The following HHAT variants were observed in gnomAD, a reference collection of about 807,000 sequenced individuals.
HHAT encodes the protein hedgehog acyltransferase.
In HHAT, 47 loss-of-function variants were observed where a neutral mutation model predicts 70.8. That is an observed-to-expected ratio of 0.66 (90% CI 0.53 to 0.85). The LOEUF is 0.85. HHAT is among the 40% of genes least tolerant of loss of function. The pLI, the probability that HHAT is intolerant of heterozygous loss-of-function variation, is 0.00. For missense variants in HHAT, 609 were observed against 604.8 expected (o/e 1.01, Z -0.07); for synonymous variants, 228 against 247.6 (o/e 0.92, Z 0.74).
rs149897975 is a variant in HHAT, at chr1:210,457,616, C to G, written c.857-6889C>G. ...GGTCAAACATGCAAAGATGGCAGCT[C>G]TGCAGCCAGCCCACAGAGCTAAGGG... On this transcript the variant is annotated intron_variant, in intron 7 of 11. Transcript: ENST00000261458. Among the ~76,000 whole-genome samples the G allele has an allele frequency of 4.6e-3, 705 of 152,290 alleles. 11 individuals are homozygous for G. Among genetic ancestry groups the G allele is most frequent in the African/African-American group, 0.016 (685 of 41,550 alleles).
intron 7 of HHAT, among the ~76,000 whole-genome samples, chr1:210,437,948 C>T (rs763312480): frequency 2.6e-5 from 4 of 151,750 alleles, no homozygotes; most frequent in Admixed American, 6.6e-5. Flanking sequence ...GTTTGCTGTC[C>T]TTTGGGGCCA....
intron 9 of HHAT, among the ~76,000 whole-genome samples, chr1:210,564,078 T>A (rs1432806189): frequency 6.6e-6 from 1 of 151,610 alleles, no homozygotes; most frequent in African/African-American, 2.4e-5. Context: ...CTCAGCCTCC[T>A]GAGTAGCTGG....
intron 1 of HHAT, among the ~76,000 whole-genome samples, chr1:210,334,181 T>TTTTTTTTTTTTTTTTTTTTTTTTC (rs1471251995): frequency 7.6e-6 from 1 of 130,966 alleles, no homozygotes; most frequent in Admixed American, 8.1e-5. Context: ...GCGTGTCATT[T>TTTTTTTTTTTTTTTTTTTTTTTTC]TTTTTTTTTT....
At chr1:210,441,849 CACACTT>C (rs759764296) in intron 7 of HHAT, among the ~76,000 whole-genome samples, 1 of 150,890 alleles carries the variant, frequency 6.6e-6, no homozygotes, top group East Asian at 1.9e-4. Context: ...TACACACACA[CACACTT>C]TTTTTTTATT....
At chr1:210,511,498 C>T (rs912720226) in intron 8 of HHAT, among the ~76,000 whole-genome samples, 1 of 151,994 alleles carries the variant, frequency 6.6e-6, no homozygotes, top group Admixed American at 6.6e-5. Flanking sequence ...TGTCAGGTGG[C>T]GAGGTACCAG....
intron 11 of HHAT, among the ~76,000 whole-genome samples, chr1:210,628,757 C>T (rs1192069031): frequency 6.6e-6 from 1 of 152,228 alleles, no homozygotes; most frequent in Non-Finnish European, 1.5e-5. Context: ...TGTCTCCTAA[C>T]TCAAATGGTT....
intron 5 of HHAT, among the ~76,000 whole-genome samples, chr1:210,404,144 C>T (rs1046951070): frequency 1.3e-5 from 2 of 152,092 alleles, no homozygotes; most frequent in African/African-American, 2.4e-5. Flanking sequence ...CACCTTATGC[C>T]CTGGATGTAT....
intron 7 of HHAT, among the ~76,000 whole-genome samples, chr1:210,453,722 ATT>A (rs1465994688): frequency 6.6e-6 from 1 of 152,116 alleles, no homozygotes; most frequent in Non-Finnish European, 1.5e-5. Flanking sequence ...GGGGGTAATT[ATT>A]TGCTTTCTAA....
intron 2 of HHAT, among the ~76,000 whole-genome samples, chr1:210,356,337 T>G (rs890529860): frequency 6.6e-6 from 1 of 152,200 alleles, no homozygotes; most frequent in African/African-American, 2.4e-5. Context: ...GACATTTTTA[T>G]AAATGAAATT....
intron 3 of HHAT, among the ~76,000 whole-genome samples, chr1:210,377,353 T>C (rs2090308574): frequency 6.6e-6 from 1 of 152,216 alleles, no homozygotes; most frequent in South Asian, 2.1e-4. Flanking sequence ...TAGAAAATAG[T>C]GTTTTTCCAA....
chr1:210,465,849 TATTGCAAGGA>T (rs989101452), intron 8 of HHAT, among the ~76,000 whole-genome samples: 2 of 152,212 alleles, frequency 1.3e-5, no homozygotes, highest in Non-Finnish European at 1.5e-5. Flanking sequence ...TTCATATGGT[TATTGCAAGGA>T]ATTGCAAGGA....
intron 9 of HHAT, among the ~76,000 whole-genome samples, chr1:210,586,401 C>G (rs1660456475): frequency 6.6e-6 from 1 of 152,150 alleles, no homozygotes; most frequent in Admixed American, 6.5e-5. Flanking sequence ...GACTGCACCA[C>G]TCTACTCCTG....
chr1:210,649,227 C>T (rs897489949), intron 11 of HHAT, among the ~76,000 whole-genome samples: 2 of 152,188 alleles, frequency 1.3e-5, no homozygotes, highest in Non-Finnish European at 2.9e-5. Flanking sequence ...CATTCTGGCT[C>T]CCCTCTGACC....
intron 1 of HHAT, among the ~76,000 whole-genome samples, chr1:210,340,266 AAAG>A (rs1477675141): frequency 2.8e-5 from 4 of 142,458 alleles, no homozygotes; most frequent in African/African-American, 1.1e-4. Context: ...AAAAAAAAAA[AAAG>A]ACTCAAGTGG....
At chr1:210,621,147 A>C (rs1668738881) in intron 10 of HHAT, among the ~76,000 whole-genome samples, 2 of 152,022 alleles carry the variant, frequency 1.3e-5, no homozygotes, top group African/African-American at 4.8e-5. Context: ...AGGCAAAGAG[A>C]GTCTTCCTCT....
intron 1 of HHAT, among the ~76,000 whole-genome samples, chr1:210,342,552 C>T (rs1484713508): frequency 2.6e-5 from 4 of 152,172 alleles, no homozygotes; most frequent in South Asian, 4.1e-4. Flanking sequence ...ATAGATTGGC[C>T]GTTTTCTATA....
chr1:210,618,662 G>A (rs1051518931), intron 10 of HHAT, among the ~76,000 whole-genome samples: 12 of 152,106 alleles, frequency 7.9e-5, no homozygotes, highest in Admixed American at 6.5e-5. Context: ...GGGCTGGCAA[G>A]CCCACAGCCT....
chr1:210,467,000 T>C (rs1436026513), intron 8 of HHAT, among the ~76,000 whole-genome samples: 1 of 152,218 alleles, frequency 6.6e-6, no homozygotes, highest in Non-Finnish European at 1.5e-5. Context: ...CTTGGAATGA[T>C]GTCGTTCTAA....
Position 210,601,937 on chromosome 1 carries a change from C to CAGAGAGAGAGAGAGAGAGAGAGAGAGAG in HHAT, c.1245+13858_1245+13859insAGAGAGAGAGAGAGAGAGAGAGAGAGAG, listed in dbSNP as rs147826172. ...TGGAGCCATGAGAATATTTGAGACTCAGAGAGAGAGAGAGAGAGAGTATGT... is the reference window on the plus strand; with the variant it reads ...TGGAGCCATGAGAATATTTGAGACTCAGAGAGAGAGAGAGAGAGAGAGAGAGAGAGAGAGAGAGAGAGAGAGAGTATGT... On this transcript the variant is annotated intron_variant, in intron 10 of 11. Transcript: ENST00000261458. Among the ~76,000 whole-genome samples, 1,425 of 147,140 alleles carry CAGAGAGAGAGAGAGAGAGAGAGAGAGAG rather than the reference C, an allele frequency of 9.7e-3. 24 individuals carry two copies. Among genetic ancestry groups the CAGAGAGAGAGAGAGAGAGAGAGAGAGAG allele is most frequent in the Middle Eastern group, 0.024 (7 of 288 alleles).
Sources: gnomAD v4.1 joint callset for allele counts (sites outside exome capture counted in the v4.1 genomes callset) on GRCh38, gnomAD v4.1.1 for gene constraint, MANE v1.5 for transcripts, NCBI Gene and HGNC (gene_info 2026-07-23, HGNC 2026-07-21) for gene names.